NRXN1: variants seen among roughly 807,000 people sequenced by gnomAD.
NRXN1 encodes the protein neurexin 1, also known as neurexin-1.
NRXN1 carries 39 observed loss-of-function variants against 150.9 expected under a neutral mutation model. The observed-to-expected ratio is 0.26, with a 90% CI of 0.20 to 0.34. NRXN1 has a LOEUF of 0.34. NRXN1 is among the 10% of genes least tolerant of loss of function. The pLI, the probability that NRXN1 is intolerant of heterozygous loss-of-function variation, is 1.00. For missense variants in NRXN1, 1,815 were observed against 1,949.9 expected (o/e 0.93, Z 1.30); for synonymous variants, 924 against 757.0 (o/e 1.22, Z -3.62).
At position 50,495,984 on chromosome 2, in the gene NRXN1, G is replaced by A; in HGVS notation, c.2991C>T (p.Thr997=). The A allele has an allele frequency of 1.2e-6, 2 of 1,613,494 alleles. No homozygotes were observed. The highest frequency in any genetic ancestry group is 1.7e-6 in the Non-Finnish European group (2 of 1,179,702). ...CAATCTTTACAGTGTGGAGGTTGCT[G>A]GTGTCCCTTGATATCATCACGTTGT... ...QWHNVMISRD[T]SNLHTVKIDT... is the part of the protein sequence containing the mutation. Residue 997 remains threonine, a synonymous_variant, in exon 15 of 23, where the codon ACC becomes ACT. Coordinates refer to ENST00000401669, the MANE Select transcript of NRXN1 (RefSeq NM_001330078.2).
intron 21 of NRXN1, among the ~76,000 whole-genome samples, chr2:50,027,970 T>C (rs1338838362): frequency 6.6e-6 from 1 of 152,160 alleles, no homozygotes; most frequent in African/African-American, 2.4e-5. Flanking sequence ...TCAAGATCTT[T>C]GTGTTTAGAT....
intron 5 of NRXN1, among the ~76,000 whole-genome samples, chr2:50,691,958 A>G (rs1216785680): frequency 6.6e-6 from 1 of 152,210 alleles, no homozygotes; most frequent in Non-Finnish European, 1.5e-5. Context: ...ACTCCATGGT[A>G]GTTATATTCA....
chr2:50,573,749 A>AATAAT (rs1340378335), intron 8 of NRXN1, among the ~76,000 whole-genome samples: 1 of 150,400 alleles, frequency 6.6e-6, no homozygotes, highest in Non-Finnish European at 1.5e-5. Context: ...TGAAAATAAT[A>AATAAT]ATAATAATAA....
chr2:50,277,598 G>GTCTA (rs1340538153), intron 17 of NRXN1, among the ~76,000 whole-genome samples: 2 of 150,722 alleles, frequency 1.3e-5, no homozygotes, highest in Non-Finnish European at 2.9e-5. Flanking sequence ...AGGAGTCAGT[G>GTCTA]TCTAGACCAT....
intron 8 of NRXN1, among the ~76,000 whole-genome samples, chr2:50,555,513 A>T (rs1002529184): frequency 1.3e-5 from 2 of 151,876 alleles, no homozygotes; most frequent in Non-Finnish European, 2.9e-5. Context: ...CATCTCTCAT[A>T]AAAAAAAGTA....
intron 21 of NRXN1, among the ~76,000 whole-genome samples, chr2:50,047,247 G>C (rs577797828): frequency 6.6e-6 from 1 of 151,972 alleles, no homozygotes; most frequent in African/African-American, 2.4e-5. Context: ...GCTTTTCTAT[G>C]CCTCAATTTC....
intron 17 of NRXN1, among the ~76,000 whole-genome samples, chr2:50,278,511 A>T (rs182174063): frequency 1.3e-5 from 2 of 150,774 alleles, no homozygotes; most frequent in African/African-American, 4.9e-5. Flanking sequence ...AATCTGAGTG[A>T]AACCGTTTGA....
chr2:50,651,472 AACATGACATGACATG>A lies in NRXN1; in HGVS notation c.833-27872_833-27858del, dbSNP rs59984890. Among the ~76,000 whole-genome samples, 172 of 149,614 alleles carry A rather than the reference AACATGACATGACATG, an allele frequency of 1.1e-3. 1 individual carries two copies. Among genetic ancestry groups the A allele is most frequent in the African/African-American group, 3.0e-3 (120 of 40,652 alleles). ...TACCAAAAATAACATAACATAACGTAACATGACATGACATGACATGACATGACATGACATGACATA... is the reference window on the plus strand; with the variant it reads ...TACCAAAAATAACATAACATAACGTAACATGACATGACATGACATGACATA... On this transcript the variant is annotated intron_variant, in intron 5 of 22. Transcript: ENST00000401669.
chr2:50,136,656 A>G (rs992595308), intron 18 of NRXN1, among the ~76,000 whole-genome samples: 2 of 152,214 alleles, frequency 1.3e-5, no homozygotes, highest in African/African-American at 4.8e-5. Context: ...TAAGGCAAAA[A>G]GAAAAAAAGG....
In NRXN1 at chr2:50,935,829, T is replaced by A. The variant is rs557381634; in HGVS notation, c.773-9874A>T. Among the ~76,000 whole-genome samples the A allele has an allele frequency of 3.9e-5, 6 of 152,212 alleles. No individual in the cohort carries two copies. The South Asian group carries it at 1.2e-3, about 32-fold the overall frequency. On this transcript the variant is annotated intron_variant, in intron 2 of 22. Coordinates refer to ENST00000401669, the MANE Select transcript of NRXN1 (RefSeq NM_001330078.2). ...AAATGATGAAATAAAAAGTTTCATGTCAAGAATGAGTAAGATGTATAATAA... is the reference window on the plus strand; with the variant it reads ...AAATGATGAAATAAAAAGTTTCATGACAAGAATGAGTAAGATGTATAATAA...
intron 19 of NRXN1, among the ~76,000 whole-genome samples, chr2:50,089,499 T>A (rs181575260): frequency 5.9e-5 from 9 of 152,130 alleles, no homozygotes; most frequent in Non-Finnish European, 1.0e-4. Context: ...AAAAGCACAT[T>A]TTTTAGGCTG....
chr2:50,091,344 C>A lies in NRXN1; in HGVS notation c.3697G>T (p.Val1233Leu), dbSNP rs770366827. The A allele has an allele frequency of 2.5e-6, 4 of 1,614,196 alleles. No individual in the cohort carries two copies. In the South Asian group the frequency reaches 3.3e-5, roughly 13 times the overall value. Reference sequence around the variant, plus strand: ...TTACCTGCAGGGTAGCGCTCGATCACTGGCCAGCTGTCCACCTGCAACGTG... The same window carrying A: ...TTACCTGCAGGGTAGCGCTCGATCAATGGCCAGCTGTCCACCTGCAACGTG... ...NATLQVDSWP[V>L]IERYPAGNND... The change falls in exon 19 of 23, where the codon GTG (valine) becomes TTG (leucine). Residue 1233 changes from valine to leucine, a missense_variant. Physicochemically the swap from Val to Leu is conservative, Grantham distance 32. Transcript: ENST00000401669.
At chr2:50,467,161 G>T (rs1374834501) in intron 16 of NRXN1, among the ~76,000 whole-genome samples, 2 of 151,660 alleles carry the variant, frequency 1.3e-5, no homozygotes, top group East Asian at 3.9e-4. Context: ...ACCAGATTGG[G>T]TATATGCCAC....
Position 50,013,273 on chromosome 2 carries a change from CT to C in NRXN1, c.4128+39997del, listed in dbSNP as rs3046630. Among the ~76,000 whole-genome samples, 34 of 136,132 alleles carry C rather than the reference CT, an allele frequency of 2.5e-4. 1 individual carries two copies. The highest frequency in any genetic ancestry group is 4.2e-4 in the Non-Finnish European group (27 of 64,526). 89.3% of individuals were successfully genotyped at this position (136,132 alleles called of 152,430 possible). The stretch of plus-strand genomic sequence containing the variant: ...TGTTGAGATATTACTATTAAAGTTT[CT>C]TTTTTTTTTTTTGGATACAGCTGTG... On this transcript the variant is annotated intron_variant, in intron 21 of 22. Transcript: ENST00000401669.
intron 5 of NRXN1, among the ~76,000 whole-genome samples, chr2:50,643,400 C>T (rs954357567): frequency 6.6e-6 from 1 of 151,950 alleles, no homozygotes; most frequent in Non-Finnish European, 1.5e-5. Flanking sequence ...CTTCTGTATA[C>T]AATTTTTATG....
intron 17 of NRXN1, among the ~76,000 whole-genome samples, chr2:50,320,051 G>A (rs1300515037): frequency 6.6e-6 from 1 of 151,402 alleles, no homozygotes; most frequent in East Asian, 2.0e-4. Flanking sequence ...CCCTAACTAT[G>A]CCCACCCTCA....
chr2:50,266,000 TTA>T (rs34551658), intron 17 of NRXN1, among the ~76,000 whole-genome samples: 3,162 of 51,100 alleles, frequency 0.062, 109 homozygotes, highest in African/African-American at 0.2. Flanking sequence ...TTATTATTAT[TTA>T]TTTTTTTTTT....
At chr2:50,721,875 C>A (rs902418401) in intron 5 of NRXN1, among the ~76,000 whole-genome samples, 1 of 151,820 alleles carries the variant, frequency 6.6e-6, no homozygotes, top group Admixed American at 6.6e-5. Flanking sequence ...AACAACTTCC[C>A]GAAACTAGTG....
chr2:50,928,623 T>C (rs1208272250), intron 2 of NRXN1, among the ~76,000 whole-genome samples: 1 of 152,084 alleles, frequency 6.6e-6, no homozygotes, highest in African/African-American at 2.4e-5. Context: ...TTTCTTTATC[T>C]TTGTAAATTC....
Sources: allele counts gnomAD v4.1 joint callset (sites outside exome capture counted in the v4.1 genomes callset), GRCh38; gene constraint gnomAD v4.1.1; transcripts MANE v1.5; gene names NCBI Gene and HGNC (gene_info 2026-07-23, HGNC 2026-07-21).